The following LRRC8C variants were observed in gnomAD, a reference collection of about 807,000 sequenced individuals.
LRRC8C encodes the protein volume-regulated anion channel subunit LRRC8C.
Under a neutral mutation model 55.3 loss-of-function variants are expected in LRRC8C, and 20 were observed. The observed-to-expected ratio is 0.36, with a 90% CI of 0.25 to 0.53. The LOEUF is 0.53. Ranked by LOEUF, LRRC8C falls within the 20% of genes least tolerant of loss-of-function variation. LRRC8C has a pLI of 0.92. For synonymous variants in LRRC8C, 376 were observed against 360.7 expected (o/e 1.04, Z -0.48); for missense variants, 659 against 951.4 (o/e 0.69, Z 4.04).
intron 2 of LRRC8C, among the ~76,000 whole-genome samples, chr1:89,691,353 A>G (rs1204922116): frequency 1.3e-5 from 2 of 152,346 alleles, no homozygotes; most frequent in East Asian, 3.9e-4. Context: ...ATGAAGGGGA[A>G]AACTCAGCAT....
intron 1 of LRRC8C, among the ~76,000 whole-genome samples, chr1:89,655,666 G>A (rs1489435302): frequency 6.6e-6 from 1 of 152,212 alleles, no homozygotes; most frequent in Non-Finnish European, 1.5e-5. Flanking sequence ...ATGGCAAAGA[G>A]CTAGAGAGAG....
In LRRC8C at chr1:89,709,380, A is replaced by C. The variant is rs528326652; in HGVS notation, c.139-3329A>C. On this transcript the variant is annotated intron_variant, in intron 2 of 2. Transcript: ENST00000370454. The stretch of plus-strand genomic sequence containing the variant: ...AGCATGGCAGATTCCAGCTAATTAG[A>C]CATTTTTGTGCAAAATATAAAAACG... 3.3e-5 allele frequency among the ~76,000 whole-genome samples: 5 copies of C among 152,336 alleles called. No individual in the cohort carries two copies. The South Asian group carries it at 1.0e-3, about 32-fold the overall frequency.
chr1:89,663,812 C>T (rs1244517061), intron 1 of LRRC8C, among the ~76,000 whole-genome samples: 2 of 152,076 alleles, frequency 1.3e-5, no homozygotes, highest in Non-Finnish European at 2.9e-5. Context: ...TTTTAATGAT[C>T]GCCATTCTAA....
intron 1 of LRRC8C, among the ~76,000 whole-genome samples, chr1:89,645,299 G>A (rs1028006726): frequency 6.6e-6 from 1 of 152,018 alleles, no homozygotes; most frequent in Non-Finnish European, 1.5e-5. Flanking sequence ...ATTTGAACAT[G>A]TATTGATAGA....
At chr1:89,646,977 C>T (rs1656630344) in intron 1 of LRRC8C, among the ~76,000 whole-genome samples, 1 of 151,990 alleles carries the variant, frequency 6.6e-6, no homozygotes, top group Non-Finnish European at 1.5e-5. Flanking sequence ...GTCAATCAGC[C>T]CTTGTATATG....
At chr1:89,655,105 A>C (rs1656904299) in intron 1 of LRRC8C, among the ~76,000 whole-genome samples, 1 of 145,704 alleles carries the variant, frequency 6.9e-6, no homozygotes. Flanking sequence ...TTCTCCTTTC[A>C]CTCTTTAGTT....
intron 1 of LRRC8C, among the ~76,000 whole-genome samples, chr1:89,660,890 C>T (rs559444225): frequency 6.6e-6 from 1 of 152,216 alleles, no homozygotes; most frequent in African/African-American, 2.4e-5. Flanking sequence ...CTAAATCTCT[C>T]ATGCAGCAGT....
chr1:89,618,484 C>T, the LRRC8C span, among the ~76,000 whole-genome samples: 1 of 152,114 alleles, frequency 6.6e-6, no homozygotes, highest in Non-Finnish European at 1.5e-5. Context: ...GAAAGCAGCA[C>T]TTTGGGAAGA....
At chr1:89,666,234 A>C (rs1369608999) in intron 1 of LRRC8C, among the ~76,000 whole-genome samples, 2 of 152,138 alleles carry the variant, frequency 1.3e-5, no homozygotes, top group Admixed American at 6.5e-5. Flanking sequence ...TCTTTACCTT[A>C]TTCCATGGTA....
chr1:89,623,197 C>CAT, the LRRC8C span, among the ~76,000 whole-genome samples: 5 of 152,012 alleles, frequency 3.3e-5, no homozygotes, highest in African/African-American at 1.2e-4. Flanking sequence ...CACACACACA[C>CAT]ACATTCTTTA....
intron 1 of LRRC8C, among the ~76,000 whole-genome samples, chr1:89,663,234 T>C (rs1657165190): frequency 6.6e-6 from 1 of 152,180 alleles, no homozygotes; most frequent in African/African-American, 2.4e-5. Flanking sequence ...GATGGGCATT[T>C]GGGTTGGTTC....
At chr1:89,662,496 G>A (rs1657146545) in intron 1 of LRRC8C, among the ~76,000 whole-genome samples, 4 of 152,174 alleles carry the variant, frequency 2.6e-5, no homozygotes, top group Admixed American at 2.6e-4. Flanking sequence ...AGGGGTCATT[G>A]GTAGAAGTGG....
In LRRC8C at chr1:89,689,410, A is replaced by C. The variant is rs1416921228; in HGVS notation, c.138+2799A>C. ...TCTGAGTGAGTTAGAACATGTTTGA[A>C]GGATTTATGACCAGAAGATTAGCAT... is the stretch of plus-strand genomic sequence containing the variant. On this transcript the variant is annotated intron_variant, in intron 2 of 2. Coordinates refer to ENST00000370454, the MANE Select transcript of LRRC8C (RefSeq NM_032270.5). 2.6e-5 allele frequency among the ~76,000 whole-genome samples: 4 copies of C among 152,206 alleles called. No homozygotes were observed. The East Asian group carries it at 7.7e-4, about 29-fold the overall frequency.
chr1:89,634,844 T>G (rs559680680), intron 1 of LRRC8C, among the ~76,000 whole-genome samples: 1 of 152,292 alleles, frequency 6.6e-6, no homozygotes, highest in Admixed American at 6.5e-5. Flanking sequence ...TCTGGAGTGA[T>G]TAAGTTCTGT....
At chr1:89,679,279 T>C (rs6683707) in intron 1 of LRRC8C, among the ~76,000 whole-genome samples, 63,751 of 152,036 alleles carry the variant, frequency 0.42, 14,354 homozygotes, top group African/African-American at 0.6. Context: ...AAAGGCTAGG[T>C]GCAGTGGCTC....
At chr1:89,649,231 A>G (rs1179773558) in intron 1 of LRRC8C, among the ~76,000 whole-genome samples, 1 of 152,220 alleles carries the variant, frequency 6.6e-6, no homozygotes, top group African/African-American at 2.4e-5. Flanking sequence ...ACGTTTAACA[A>G]ACTAATTTGT....
At chr1:89,629,415 G>A (rs934835475), upstream of LRRC8C, among the ~76,000 whole-genome samples, 2 of 152,170 alleles carry the variant, frequency 1.3e-5, no homozygotes, top group African/African-American at 4.8e-5. Flanking sequence ...TACCAGGTAG[G>A]ATCAACTGAA....
Position 89,716,246 on chromosome 1 carries a change from A to C in LRRC8C, c.*1264A>C, listed in dbSNP as rs1000488721. On this transcript the variant is annotated 3_prime_UTR_variant, in exon 3 of 3. Coordinates refer to ENST00000370454, the MANE Select transcript of LRRC8C (RefSeq NM_032270.5). ...TTATATGCAATTTCTGCACCATTTT[A>C]TGTCAAGGATTTTGAACATCCTCAG... The C allele has an allele frequency of 1.3e-5, 2 of 152,180 alleles. No homozygotes were observed. Among genetic ancestry groups the C allele is most frequent in the Admixed American group, 6.5e-5 (1 of 15,280 alleles). 9.4% of individuals were successfully genotyped at this position (152,180 alleles called of 1,614,324 possible). A position where few individuals can be genotyped will look rare whatever the true frequency, so the allele number is the denominator to read the frequency against.
intron 1 of LRRC8C, among the ~76,000 whole-genome samples, chr1:89,663,035 A>G (rs945130870): frequency 5.3e-5 from 8 of 151,948 alleles, no homozygotes; most frequent in Admixed American, 3.9e-4. Context: ...ATGTGTTCTC[A>G]TTGTTCAACT....
Sources: allele counts gnomAD v4.1 joint callset (sites outside exome capture counted in the v4.1 genomes callset), GRCh38; gene constraint gnomAD v4.1.1; transcripts MANE v1.5; gene names NCBI Gene and HGNC (gene_info 2026-07-23, HGNC 2026-07-21).